Variants in FHIT observed in about 807,000 individuals in gnomAD.
FHIT encodes the protein fragile histidine triad diadenosine triphosphatase, also known as bis(5'-adenosyl)-triphosphatase.
A neutral mutation model predicts 17.9 loss-of-function variants in FHIT; 19 were observed. The ratio of observed to expected loss-of-function variants is 1.06; its 90% CI spans 0.74 to 1.56. FHIT has a LOEUF of 1.56. FHIT is among the 40% of genes most tolerant of loss of function. The pLI, the probability that FHIT is intolerant of heterozygous loss-of-function variation, is 0.00. For synonymous variants in FHIT, 81 were observed against 69.7 expected, an observed-to-expected ratio of 1.16 and a Z score of -0.81; for missense variants, 248 against 189.2, an observed-to-expected ratio of 1.31 and a Z score of -1.82.
intron 8 of FHIT, among the ~76,000 whole-genome samples, chr3:59,879,924 C>A (rs1349067923): frequency 6.6e-5 from 9 of 137,304 alleles, no homozygotes; most frequent in South Asian, 5.2e-4. Context: ...CCCCCACCCC[C>A]CCCCCCCCGC....
chr3:60,402,524 T>C (rs1701702930), intron 5 of FHIT, among the ~76,000 whole-genome samples: 1 of 152,190 alleles, frequency 6.6e-6, no homozygotes, highest in Admixed American at 6.5e-5. Context: ...TATTTCTATA[T>C]TGACTGAGAT....
chr3:60,430,011 CT>C (rs1702818847), intron 5 of FHIT, among the ~76,000 whole-genome samples: 1 of 151,892 alleles, frequency 6.6e-6, no homozygotes, highest in African/African-American at 2.4e-5. Context: ...TAAGAAGTTT[CT>C]GCTTGTACCT....
chr3:60,560,802 GACACACACACACACACAC>G (rs71092614), intron 4 of FHIT, among the ~76,000 whole-genome samples: 3 of 128,844 alleles, frequency 2.3e-5, no homozygotes, highest in African/African-American at 9.0e-5. Context: ...GATGTAAGGA[GACACACACACACACACAC>G]ACACACACAC....
At chr3:59,870,708 C>A (rs1216586521) in intron 8 of FHIT, among the ~76,000 whole-genome samples, 1 of 152,190 alleles carries the variant, frequency 6.6e-6, no homozygotes, top group Non-Finnish European at 1.5e-5. Context: ...GGGAGCCCAG[C>A]CTCTAATATG....
intron 5 of FHIT, among the ~76,000 whole-genome samples, chr3:60,342,007 A>G (rs1710540714): frequency 6.6e-6 from 1 of 152,190 alleles, no homozygotes; most frequent in Admixed American, 6.5e-5. Context: ...AAAAGAAAAA[A>G]AACTCTCAGC....
intron 5 of FHIT, among the ~76,000 whole-genome samples, chr3:60,427,479 A>T (rs1702715854): frequency 6.6e-6 from 1 of 152,136 alleles, no homozygotes; most frequent in Admixed American, 6.6e-5. Flanking sequence ...CCAGCCCATG[A>T]AAATGGTGAG....
At chr3:60,465,789 A>G (rs1238874693) in intron 5 of FHIT, among the ~76,000 whole-genome samples, 8 of 152,024 alleles carry the variant, frequency 5.3e-5, no homozygotes, top group African/African-American at 9.7e-5. Context: ...TTTGGTTACT[A>G]TATCTCTGTA....
intron 5 of FHIT, among the ~76,000 whole-genome samples, chr3:60,153,214 A>G (rs546274678): frequency 2.0e-5 from 3 of 152,228 alleles, no homozygotes; most frequent in African/African-American, 7.2e-5. Flanking sequence ...CAGAAAATGG[A>G]CTTTCCCTCA....
At chr3:61,207,563 T>C (rs4402933) in intron 1 of FHIT, among the ~76,000 whole-genome samples, 65,547 of 151,970 alleles carry the variant, frequency 0.43, 14,514 homozygotes, top group East Asian at 0.58. Context: ...TGTATGTGTC[T>C]GGGAATTTAT....
At chr3:60,992,972 C>A (rs972970650) in intron 3 of FHIT, among the ~76,000 whole-genome samples, 1 of 152,136 alleles carries the variant, frequency 6.6e-6, no homozygotes, top group African/African-American at 2.4e-5. Flanking sequence ...GTGACCCAAC[C>A]CACAATGCAA....
chr3:60,727,476 C>T (rs755726377), intron 4 of FHIT, among the ~76,000 whole-genome samples: 4 of 152,166 alleles, frequency 2.6e-5, no homozygotes, highest in Non-Finnish European at 5.9e-5. Context: ...CAGATAGTGA[C>T]TCCACTGTGA....
At chr3:59,937,333 C>T (rs1234337604) in intron 7 of FHIT, among the ~76,000 whole-genome samples, 2 of 152,052 alleles carry the variant, frequency 1.3e-5, no homozygotes, top group East Asian at 1.9e-4. Flanking sequence ...AACAAAGGAC[C>T]CTTCACAGTG....
At chr3:60,789,774 AT>A in intron 4 of FHIT, among the ~76,000 whole-genome samples, 1 of 152,334 alleles carries the variant, frequency 6.6e-6, no homozygotes, top group Non-Finnish European at 1.5e-5. Flanking sequence ...GAAAAAAAAA[AT>A]TCATCCCTGT....
At chr3:59,771,973 C>T (rs753248015) in intron 8 of FHIT, among the ~76,000 whole-genome samples, 4 of 152,096 alleles carry the variant, frequency 2.6e-5, no homozygotes, top group Non-Finnish European at 5.9e-5. Flanking sequence ...GCTTTAAAGC[C>T]CACAAAGGAT....
intron 3 of FHIT, among the ~76,000 whole-genome samples, chr3:60,882,909 A>G (rs1382523127): frequency 6.6e-6 from 1 of 152,202 alleles, no homozygotes; most frequent in East Asian, 1.9e-4. Context: ...CAAAATGGAA[A>G]GGAAGAAGTC....
intron 8 of FHIT, among the ~76,000 whole-genome samples, chr3:59,765,883 C>T (rs1701770832): frequency 6.6e-6 from 1 of 152,048 alleles, no homozygotes; most frequent in African/African-American, 2.4e-5. Context: ...AATTAAATAC[C>T]ATGGCTCAAG....
intron 4 of FHIT, among the ~76,000 whole-genome samples, chr3:60,775,747 C>A (rs987558132): frequency 1.3e-5 from 2 of 152,066 alleles, no homozygotes; most frequent in African/African-American, 4.8e-5. Flanking sequence ...TGGGATGGAC[C>A]GGCGAGCAGC....
rs141586386 is a variant in FHIT, at chr3:60,343,990, G to A, written c.103+192870C>T. Among the ~76,000 whole-genome samples the A allele has an allele frequency of 1.1e-4, 16 of 152,254 alleles. No homozygotes were observed. In the East Asian group the frequency reaches 2.7e-3, roughly 26 times the overall value. The stretch of plus-strand genomic sequence containing the variant: ...GCTCCAATTTTAAGGATGGCATTTT[G>A]CACTTTGCTTTCAAACTCTATGACT... On this transcript the variant is annotated intron_variant, in intron 5 of 9. Transcript: ENST00000492590.
chr3:60,011,185 C>A (rs369724080), intron 7 of FHIT, among the ~76,000 whole-genome samples, 186 bp downstream of exon 7: 2 of 152,262 alleles, frequency 1.3e-5, no homozygotes, highest in South Asian at 4.1e-4. Context: ...GTCTTGTAAA[C>A]CAATGGGAAA....
Sources: gnomAD v4.1 joint callset for allele counts (sites outside exome capture counted in the v4.1 genomes callset) on GRCh38, gnomAD v4.1.1 for gene constraint, MANE v1.5 for transcripts, NCBI Gene and HGNC (gene_info 2026-07-23, HGNC 2026-07-21) for gene names.